The following SPATA17 variants were observed in gnomAD, a reference collection of about 807,000 sequenced individuals.
SPATA17 encodes the protein spermatogenesis-associated protein 17.
SPATA17 carries 53 observed loss-of-function variants against 62.2 expected under a neutral mutation model. The ratio of observed to expected loss-of-function variants is 0.85; its 90% CI spans 0.68 to 1.07. SPATA17 has a LOEUF of 1.07. Ranked by LOEUF, SPATA17 falls within the 50% of genes least tolerant of loss-of-function variation. The probability of loss-of-function intolerance (pLI) is 0.00; values close to 1 mark genes in which losing one functional copy is unlikely to be tolerated. For synonymous variants in SPATA17, 146 were observed against 146.8 expected (o/e 0.99, Z 0.04); for missense variants, 466 against 425.5 (o/e 1.10, Z -0.84).
chr1:217,699,933 T>C (rs992286523), intron 5 of SPATA17, among the ~76,000 whole-genome samples: 4 of 152,226 alleles, frequency 2.6e-5, no homozygotes, highest in African/African-American at 9.6e-5. Flanking sequence ...CTTTCCTTCA[T>C]TGAATTGCTT....
intron 9 of SPATA17, among the ~76,000 whole-genome samples, chr1:217,837,055 A>G (rs1675277113): frequency 6.6e-6 from 1 of 152,154 alleles, no homozygotes; most frequent in Non-Finnish European, 1.5e-5. Context: ...GTACCCAAAT[A>G]GAAGTAATCC....
chr1:217,674,408 G>A (rs1670899469), intron 4 of SPATA17, among the ~76,000 whole-genome samples: 1 of 152,306 alleles, frequency 6.6e-6, no homozygotes, highest in African/African-American at 2.4e-5. Flanking sequence ...ATAGGAGGAG[G>A]TGCCTCATCT....
chr1:217,799,640 T>C (rs1171563204), intron 8 of SPATA17, among the ~76,000 whole-genome samples: 1 of 151,982 alleles, frequency 6.6e-6, no homozygotes, highest in Non-Finnish European at 1.5e-5. Flanking sequence ...TTAGGAAAAA[T>C]ATTAAGAATT....
At chr1:217,852,110 C>A (rs566156242) in intron 9 of SPATA17, among the ~76,000 whole-genome samples, 1 of 152,114 alleles carries the variant, frequency 6.6e-6, no homozygotes, top group East Asian at 1.9e-4. Flanking sequence ...TCTTGGAGAA[C>A]GATCACTTTT....
intron 6 of SPATA17, among the ~76,000 whole-genome samples, chr1:217,763,693 G>A (rs922245709): frequency 6.6e-6 from 1 of 152,118 alleles, no homozygotes; most frequent in African/African-American, 2.4e-5. Flanking sequence ...GAAGCACTTC[G>A]GTAAAGATAT....
At chr1:217,727,172 G>T (rs1571761622) in intron 5 of SPATA17, among the ~76,000 whole-genome samples, 1 of 151,588 alleles carries the variant, frequency 6.6e-6, no homozygotes, top group Non-Finnish European at 1.5e-5. Context: ...GCTCGAACCC[G>T]GGAGGCGGAG....
chr1:217,644,226 G>A (rs1414564156), intron 1 of SPATA17, among the ~76,000 whole-genome samples: 1 of 152,072 alleles, frequency 6.6e-6, no homozygotes, highest in Non-Finnish European at 1.5e-5. Flanking sequence ...GACTACTAAT[G>A]AAATATAAAA....
At chr1:217,807,921 A>G (rs1674478395) in intron 9 of SPATA17, among the ~76,000 whole-genome samples, 1 of 152,158 alleles carries the variant, frequency 6.6e-6, no homozygotes. Flanking sequence ...ACTTTCCTGA[A>G]AAGTCAGATT....
intron 3 of SPATA17, among the ~76,000 whole-genome samples, chr1:217,660,578 C>T (rs150280525): frequency 7.9e-5 from 12 of 152,274 alleles, no homozygotes; most frequent in South Asian, 6.2e-4. Context: ...CTCATCCCAC[C>T]GATGTGGGGC....
intron 9 of SPATA17, among the ~76,000 whole-genome samples, chr1:217,807,363 A>G (rs1674458039): frequency 6.6e-6 from 1 of 152,154 alleles, no homozygotes; most frequent in Admixed American, 6.5e-5. Flanking sequence ...CCCCAGTATT[A>G]CATAATATAT....
chr1:217,811,496 T>G (rs1398462681), intron 9 of SPATA17, among the ~76,000 whole-genome samples: 3 of 152,084 alleles, frequency 2.0e-5, no homozygotes, highest in African/African-American at 7.2e-5. Context: ...CCCCATCTTC[T>G]TATCTCTTAA....
intron 5 of SPATA17, among the ~76,000 whole-genome samples, chr1:217,720,640 A>C (rs1672104181): frequency 6.6e-6 from 1 of 152,008 alleles, no homozygotes; most frequent in African/African-American, 2.4e-5. Flanking sequence ...ATAAATAAAC[A>C]TTTTTTTTAA....
intron 5 of SPATA17, among the ~76,000 whole-genome samples, chr1:217,728,153 T>C: frequency 6.6e-6 from 1 of 152,154 alleles, no homozygotes; most frequent in Middle Eastern, 3.2e-3. Flanking sequence ...ATTTATTTAG[T>C]TACTACAGAG....
At chr1:217,855,671 A>G (rs774440667) in intron 9 of SPATA17, among the ~76,000 whole-genome samples, 1 of 152,056 alleles carries the variant, frequency 6.6e-6, no homozygotes, top group African/African-American at 2.4e-5. Context: ...TGTCAAGTCC[A>G]TAAAGATGGG....
intron 5 of SPATA17, among the ~76,000 whole-genome samples, chr1:217,718,166 T>C (rs1672050038): frequency 6.6e-6 from 1 of 152,236 alleles, no homozygotes; most frequent in Admixed American, 6.5e-5. Flanking sequence ...AATAATTTAC[T>C]AGACAAGGCA....
At chr1:217,697,371 T>C (rs1671483176) in intron 5 of SPATA17, among the ~76,000 whole-genome samples, 1 of 152,246 alleles carries the variant, frequency 6.6e-6, no homozygotes, top group Non-Finnish European at 1.5e-5. Context: ...TATGTGTTCA[T>C]CTTTTCCAGG....
chr1:217,779,685 T>G (rs1283339523), intron 7 of SPATA17, among the ~76,000 whole-genome samples: 1 of 152,084 alleles, frequency 6.6e-6, no homozygotes, highest in Non-Finnish European at 1.5e-5. Flanking sequence ...TGTTTGTTTG[T>G]TTTTTCTGAG....
intron 5 of SPATA17, among the ~76,000 whole-genome samples, chr1:217,707,547 G>T (rs750184186): frequency 5.9e-5 from 9 of 152,078 alleles, no homozygotes; most frequent in Non-Finnish European, 1.0e-4. Context: ...CATTCATTAT[G>T]ATTTTGGCTG....
intron 5 of SPATA17, among the ~76,000 whole-genome samples, chr1:217,722,402 A>T (rs1007898707): frequency 3.2e-4 from 48 of 152,132 alleles, no homozygotes; most frequent in African/African-American, 1.1e-3. Flanking sequence ...GCTCCACATT[A>T]TTTTCTGTAA....
Sources: gnomAD v4.1 joint callset for allele counts (sites outside exome capture counted in the v4.1 genomes callset) on GRCh38, gnomAD v4.1.1 for gene constraint, MANE v1.5 for transcripts, NCBI Gene and HGNC (gene_info 2026-07-23, HGNC 2026-07-21) for gene names.